USP26: variants seen among roughly 807,000 people sequenced by gnomAD.
USP26 encodes ubiquitin specific peptidase 26, also known as ubiquitin carboxyl-terminal hydrolase 26.
For synonymous variants in USP26, 236 were observed against 240.6 expected, an observed-to-expected ratio of 0.98 and a Z score of 0.18; for missense variants, 649 against 642.3, an observed-to-expected ratio of 1.01 and a Z score of -0.11.
In USP26 at chrX:133,028,366, T is replaced by C. The variant is rs2067364324; in HGVS notation, c.-76-70A>G. The C allele has an allele frequency of 1.3e-5, 9 of 698,410 alleles. No homozygotes were observed. The South Asian group carries it at 2.2e-4, about 17-fold the overall frequency. 57.6% of individuals were successfully genotyped at this position (698,410 alleles called of 1,213,427 possible). A position where few individuals can be genotyped will look rare whatever the true frequency, so the allele number is the denominator to read the frequency against. ...AGAATGATCCTATTTCTAGTATTGGTTTTATACTAGAGTCTAGTTCAGGTT... is the reference window on the plus strand; with the variant it reads ...AGAATGATCCTATTTCTAGTATTGGCTTTATACTAGAGTCTAGTTCAGGTT... On this transcript the variant is annotated intron_variant, in intron 5 of 5. Coordinates refer to ENST00000511190, the MANE Select transcript of USP26 (RefSeq NM_031907.3).
intron 5 of USP26, among the ~76,000 whole-genome samples, chrX:133,054,785 G>T (rs2067470213): frequency 8.9e-6 from 1 of 112,087 alleles, no homozygotes; most frequent in African/African-American, 3.2e-5. Context: ...CTGCCCTCAA[G>T]ATCCCAGTCC....
chrX:133,075,623 C>T (rs915512908), intron 5 of USP26, among the ~76,000 whole-genome samples: 2 of 110,702 alleles, frequency 1.8e-5, no homozygotes, highest in Middle Eastern at 4.2e-3. Context: ...AGCCCTTAGA[C>T]GGAAAGTATT....
chrX:133,026,753 C>T lies in USP26; in HGVS notation c.1468G>A (p.Glu490Lys). 8.3e-7 allele frequency: 1 copy of T among 1,210,695 alleles called. No individual in the cohort carries two copies. The highest frequency in any genetic ancestry group is 1.1e-6 in the Non-Finnish European group (1 of 895,198). ...QSTFDLFFGA[E>K]ELEYKCAKCE... is the part of the protein sequence containing the mutation. ...TTTGCACATTTATACTCAAGCTCTT[C>T]TGCTCCAAAAAAAAGATCAAAAGTA... is the stretch of plus-strand genomic sequence containing the variant. Residue 490 changes from glutamate to lysine, a missense_variant, in exon 6 of 6, where the codon GAA (glutamate) becomes AAA (lysine). By Grantham distance (56) the Glu-to-Lys change is moderately conservative (BLOSUM62 1). Transcript: ENST00000511190.
intron 5 of USP26, among the ~76,000 whole-genome samples, chrX:133,075,616 C>T (rs1012460883): frequency 9.0e-6 from 1 of 111,038 alleles, no homozygotes; most frequent in African/African-American, 3.3e-5. Context: ...AAGTAAAAGC[C>T]CTTAGACGGA....
chrX:133,071,547 A>C (rs764432385), intron 5 of USP26, among the ~76,000 whole-genome samples: 9 of 110,919 alleles, frequency 8.1e-5, no homozygotes, highest in African/African-American at 2.9e-4. Context: ...AAAAAAAAAA[A>C]CTTTAAAAGC....
intron 5 of USP26, among the ~76,000 whole-genome samples, chrX:133,030,613 G>A (rs2067372766): frequency 9.0e-6 from 1 of 111,679 alleles, no homozygotes; most frequent in African/African-American, 3.3e-5. Flanking sequence ...TTTAATGAAG[G>A]TTTGTGTTGC....
intron 1 of USP26, among the ~76,000 whole-genome samples, chrX:133,095,109 A>G (rs1161734619): frequency 6.9e-5 from 7 of 102,155 alleles, no homozygotes; most frequent in Admixed American, 3.1e-4. Flanking sequence ...AAAAAAAAAA[A>G]AAGAAAGAAA....
intron 5 of USP26, among the ~76,000 whole-genome samples, chrX:133,061,409 C>T (rs1017787765): frequency 8.9e-6 from 1 of 112,341 alleles, no homozygotes; most frequent in Non-Finnish European, 1.9e-5. Flanking sequence ...GCTGACACGC[C>T]CCCATCTGTC....
intron 5 of USP26, among the ~76,000 whole-genome samples, chrX:133,039,509 T>C (rs745707070): frequency 6.2e-5 from 7 of 112,384 alleles, no homozygotes; most frequent in Non-Finnish European, 1.3e-4. Flanking sequence ...TCTAATTTGA[T>C]TGCACTGTGG....
chrX:133,034,622 A>G (rs1189522230), intron 5 of USP26, among the ~76,000 whole-genome samples: 1 of 112,433 alleles, frequency 8.9e-6, no homozygotes, highest in Non-Finnish European at 1.9e-5. Flanking sequence ...GTCTCATGAT[A>G]CTGGCAAAGA....
At chrX:133,072,067 T>C (rs1282011441) in intron 5 of USP26, among the ~76,000 whole-genome samples, 2 of 111,744 alleles carry the variant, frequency 1.8e-5, no homozygotes, top group Admixed American at 9.5e-5. Context: ...GGGTAATACA[T>C]TGGGCACCCA....
chrX:133,089,353 T>A (rs1252279409), intron 4 of USP26, among the ~76,000 whole-genome samples: 1 of 111,943 alleles, frequency 8.9e-6, no homozygotes, highest in Admixed American at 9.5e-5. Context: ...CAAATGTGAC[T>A]TTTTACAGGC....
At chrX:133,066,314 A>G (rs1352907483) in intron 5 of USP26, among the ~76,000 whole-genome samples, 1 of 111,904 alleles carries the variant, frequency 8.9e-6, no homozygotes, top group Admixed American at 9.5e-5. Context: ...TAATTTATAA[A>G]TTCAATGCTA....
intron 5 of USP26, among the ~76,000 whole-genome samples, chrX:133,077,004 G>A (rs2067551313): frequency 8.9e-6 from 1 of 112,288 alleles, no homozygotes; most frequent in Admixed American, 9.4e-5. Context: ...ATTTGGAAGA[G>A]TAACCAATAC....
At chrX:133,038,851 G>T (rs1465362635) in intron 5 of USP26, among the ~76,000 whole-genome samples, 1 of 111,805 alleles carries the variant, frequency 8.9e-6, no homozygotes, top group East Asian at 2.8e-4. Flanking sequence ...CTTGTTTTTG[G>T]TCTATTCAGG....
Position 133,025,183 on chromosome X carries a change from C to T in USP26, c.*296G>A. Reference sequence around the variant, plus strand: ...GCAGTGAGTTATTATTGAAGGACTGCACTCTAGCCAGGATGACAGAGCAAG... The same window carrying T: ...GCAGTGAGTTATTATTGAAGGACTGTACTCTAGCCAGGATGACAGAGCAAG... On this transcript the variant is annotated 3_prime_UTR_variant, in exon 6 of 6. Coordinates refer to ENST00000511190, the MANE Select transcript of USP26 (RefSeq NM_031907.3). The T allele has an allele frequency of 3.2e-6, 1 of 313,584 alleles. No homozygotes were observed. The highest frequency in any genetic ancestry group is 5.6e-6 in the Non-Finnish European group (1 of 177,748). 25.8% of individuals were successfully genotyped at this position (313,584 alleles called of 1,213,427 possible).
intron 1 of USP26, among the ~76,000 whole-genome samples, chrX:133,094,143 T>C (rs902006331): frequency 9.0e-6 from 1 of 111,512 alleles, no homozygotes; most frequent in African/African-American, 3.3e-5. Flanking sequence ...AAGTTTTCCT[T>C]TAATTTTAAT....
Position 133,057,966 on chromosome X carries a change from C to T in USP26, c.-77+25741G>A, listed in dbSNP as rs763087592. On this transcript the variant is annotated intron_variant, in intron 5 of 5. Transcript: ENST00000511190. ...GATCTTGGCTCACTGCAAGCTCCGCCTCCCGGGTTCACGCTGTTCTCCTGC... is the reference window on the plus strand; with the variant it reads ...GATCTTGGCTCACTGCAAGCTCCGCTTCCCGGGTTCACGCTGTTCTCCTGC... Among the ~76,000 whole-genome samples, 295 of 89,396 alleles carry T rather than the reference C, an allele frequency of 3.3e-3. 1 individual carries two copies. The highest frequency in any genetic ancestry group is 5.2e-3 in the Non-Finnish European group (237 of 45,825). The allele number at this position is 89,396 out of a possible 115,157, so 77.6% of individuals were successfully genotyped here.
chrX:133,055,746 G>T (rs1458509118), intron 5 of USP26, among the ~76,000 whole-genome samples: 1 of 111,601 alleles, frequency 9.0e-6, no homozygotes, highest in Non-Finnish European at 1.9e-5. Flanking sequence ...TTCTGGTGAG[G>T]CCTCTCTTCC....
Sources: allele counts gnomAD v4.1 joint callset (sites outside exome capture counted in the v4.1 genomes callset), GRCh38; gene constraint gnomAD v4.1.1; transcripts MANE v1.5; gene names NCBI Gene and HGNC (gene_info 2026-07-23, HGNC 2026-07-21).